Variants in MYO9A observed in about 807,000 individuals in gnomAD.
The protein encoded by MYO9A is myosin IXA.
A neutral mutation model predicts 293.3 loss-of-function variants in MYO9A; 103 were observed. The observed-to-expected ratio is 0.35, with a 90% CI of 0.30 to 0.41. The LOEUF is 0.41. Ranked by LOEUF, MYO9A falls within the 10% of genes least tolerant of loss-of-function variation. MYO9A has a pLI of 1.00. For missense variants in MYO9A, 2,685 were observed against 3,033.0 expected, an observed-to-expected ratio of 0.89 and a Z score of 2.69; for synonymous variants, 1,001 against 1,035.7, an observed-to-expected ratio of 0.97 and a Z score of 0.64.
intron 4 of MYO9A, 93 bp downstream of exon 4, chr15:72,027,638 T>TTTA: frequency 5.2e-6 from 5 of 962,538 alleles, no homozygotes; most frequent in Non-Finnish European, 7.9e-6. Context: ...TGACGTAAAC[T>TTTA]GAATTAAGGG....
intron 2 of MYO9A, among the ~76,000 whole-genome samples, chr15:72,042,026 A>AC (rs1555411479): frequency 6.6e-6 from 1 of 151,510 alleles, no homozygotes; most frequent in Non-Finnish European, 1.5e-5. Flanking sequence ...AAAAAAAAAA[A>AC]AAACCAGTTC....
At chr15:71,996,964 G>C (rs1473823639) in intron 9 of MYO9A, among the ~76,000 whole-genome samples, 2 of 151,890 alleles carry the variant, frequency 1.3e-5, no homozygotes, top group South Asian at 2.1e-4. Flanking sequence ...GGATTTTAAA[G>C]ATATAAAAAC....
intron 13 of MYO9A, among the ~76,000 whole-genome samples, chr15:71,961,243 C>A (rs903936158): frequency 6.6e-6 from 1 of 152,022 alleles, no homozygotes; most frequent in Admixed American, 6.6e-5. Flanking sequence ...GGCAAAAAAC[C>A]TGCTGATTAA....
intron 1 of MYO9A, among the ~76,000 whole-genome samples, chr15:72,096,766 T>C (rs891861643): frequency 1.3e-5 from 2 of 152,250 alleles, no homozygotes; most frequent in East Asian, 1.9e-4. Flanking sequence ...AGAACATTCA[T>C]GACTCGTGGG....
intron 1 of MYO9A, among the ~76,000 whole-genome samples, 180 bp downstream of exon 1, chr15:72,117,500 G>C (rs2081036293): frequency 1.3e-5 from 2 of 152,200 alleles, no homozygotes; most frequent in Admixed American, 6.5e-5. Context: ...GAAGATACAG[G>C]GGGTGGGGTC....
intron 14 of MYO9A, 25 bp from the exon 15 acceptor site, chr15:71,951,921 A>T: frequency 4.1e-6 from 5 of 1,228,908 alleles, no homozygotes; most frequent in Non-Finnish European, 5.4e-6. Context: ...AAAAACAAAC[A>T]AAAAAAAAAG....
At chr15:71,961,276 G>C (rs1007550820) in intron 13 of MYO9A, among the ~76,000 whole-genome samples, 3 of 152,100 alleles carry the variant, frequency 2.0e-5, no homozygotes, top group East Asian at 3.9e-4. Flanking sequence ...GAGAAAATGA[G>C]GAAATCAGGT....
At chr15:71,896,332 CTTTCA>C (rs777364410) in intron 25 of MYO9A, among the ~76,000 whole-genome samples, 58 of 152,226 alleles carry the variant, frequency 3.8e-4, no homozygotes, top group Non-Finnish European at 6.9e-4. Flanking sequence ...TACAGCCCTC[CTTTCA>C]TTTCAATGAT....
intron 1 of MYO9A, among the ~76,000 whole-genome samples, chr15:72,060,950 A>G (rs1480600611): frequency 6.6e-6 from 1 of 152,126 alleles, no homozygotes; most frequent in Non-Finnish European, 1.5e-5. Flanking sequence ...TAAGGAGAGG[A>G]AAGAGTCACG....
At chr15:72,054,069 T>A (rs1288514283) in intron 1 of MYO9A, among the ~76,000 whole-genome samples, 3 of 152,150 alleles carry the variant, frequency 2.0e-5, no homozygotes, top group African/African-American at 7.2e-5. Context: ...AACATAAGGA[T>A]ACAGAATCAG....
chr15:72,047,323 C>T (rs1426768890), intron 1 of MYO9A, among the ~76,000 whole-genome samples: 1 of 152,214 alleles, frequency 6.6e-6, no homozygotes, highest in East Asian at 1.9e-4. Context: ...GGCACCACTA[C>T]AAATTTTATT....
At position 71,893,680 on chromosome 15, in the gene MYO9A, T is replaced by G; in HGVS notation, c.5141A>C (p.Glu1714Ala). The G allele has an allele frequency of 6.2e-7, 1 of 1,611,934 alleles. No homozygotes were observed. The highest frequency in any genetic ancestry group is 8.5e-7 in the Non-Finnish European group (1 of 1,178,360). The change falls in exon 26 of 42, where the codon GAG becomes GCG. Residue 1714 changes from glutamate to alanine, a missense_variant and splice_region_variant. Transcript: ENST00000356056. ...GATAAACAAAAACTCAAAACTTACC[T>G]CTCTTTGGCCTGGCCCAGCTAACTT... is the stretch of plus-strand genomic sequence containing the variant. Reference protein sequence around the residue: ...PVKLAGPGQRETSQRFSSVDE... With the variant: ...PVKLAGPGQRATSQRFSSVDE...
At chr15:72,080,606 T>C (rs2079514414) in intron 1 of MYO9A, among the ~76,000 whole-genome samples, 1 of 151,656 alleles carries the variant, frequency 6.6e-6, no homozygotes, top group South Asian at 2.1e-4. Flanking sequence ...AATTATACTT[T>C]TTGGGTTTTT....
chr15:71,931,550 A>G (rs2058476640), intron 18 of MYO9A, among the ~76,000 whole-genome samples: 1 of 152,152 alleles, frequency 6.6e-6, no homozygotes, highest in African/African-American at 2.4e-5. Flanking sequence ...TGACAAATTG[A>G]TTATAACATG....
chr15:72,093,851 C>T (rs1164506662), intron 1 of MYO9A, among the ~76,000 whole-genome samples: 1 of 89,194 alleles, frequency 1.1e-5, no homozygotes, highest in African/African-American at 2.6e-5. Context: ...TGTGCCACTG[C>T]ACTCCAGCCT....
intron 15 of MYO9A, chr15:71,950,264 A>C (rs1188980742): frequency 6.6e-6 from 1 of 152,244 alleles, no homozygotes; most frequent in East Asian, 1.9e-4. Flanking sequence ...CAACGTCCAC[A>C]AAAGTAGAAA....
chr15:71,964,151 T>A (rs1024881834), intron 13 of MYO9A, among the ~76,000 whole-genome samples: 6 of 152,166 alleles, frequency 3.9e-5, no homozygotes, highest in South Asian at 2.1e-4. Flanking sequence ...TAATTTTTTT[T>A]ATATTATCAG....
chr15:72,118,264 C>A (rs1488532478), upstream of MYO9A: 1 of 313,180 alleles, frequency 3.2e-6, no homozygotes, highest in Non-Finnish European at 5.8e-6. Flanking sequence ...GCCCCCTTTC[C>A]TACGCCCCAG....
rs2054390714 is a variant in MYO9A, at chr15:71,824,532, AAC to A, written c.*2046_*2047del. On this transcript the variant is annotated 3_prime_UTR_variant, in exon 42 of 42. Coordinates refer to ENST00000356056, the MANE Select transcript of MYO9A (RefSeq NM_006901.4). ...TACACTACTCTCCCAAGAACACTGA[AAC>A]ACAGACTGTGCAACCTGGCACGGGG... The A allele has an allele frequency of 6.6e-6, 1 of 152,236 alleles. No homozygotes were observed. 9.4% of individuals were successfully genotyped at this position (152,236 alleles called of 1,614,324 possible).
Sources: allele counts gnomAD v4.1 joint callset (sites outside exome capture counted in the v4.1 genomes callset), GRCh38; gene constraint gnomAD v4.1.1; transcripts MANE v1.5; gene names NCBI Gene and HGNC (gene_info 2026-07-23, HGNC 2026-07-21).